The following NKAIN2 variants were observed in gnomAD, a reference collection of about 807,000 sequenced individuals.
NKAIN2 encodes sodium/potassium-transporting ATPase subunit beta-1-interacting protein 2.
Under a neutral mutation model 32.6 loss-of-function variants are expected in NKAIN2, and 14 were observed. The observed-to-expected ratio is 0.43, with a 90% CI of 0.28 to 0.67. The LOEUF is 0.67. NKAIN2 is among the 30% of genes least tolerant of loss of function. NKAIN2 has a pLI of 0.17. For missense variants in NKAIN2, 198 were observed against 258.3 expected, an observed-to-expected ratio of 0.77 and a Z score of 1.60; for synonymous variants, 80 against 87.2, an observed-to-expected ratio of 0.92 and a Z score of 0.46.
At chr6:124,175,938 A>G (rs957479284) in intron 1 of NKAIN2, among the ~76,000 whole-genome samples, 1 of 152,020 alleles carries the variant, frequency 6.6e-6, no homozygotes, top group South Asian at 2.1e-4. Flanking sequence ...TGCTTTTTAC[A>G]TTTTTTTAAG....
rs371419007 is a variant in NKAIN2, at chr6:124,343,078, G to A, written c.193-12189G>A. Among the ~76,000 whole-genome samples, 115 of 146,644 alleles carry A rather than the reference G, an allele frequency of 7.8e-4. No individual in the cohort carries two copies. In the East Asian group the frequency reaches 0.015, roughly 20 times the overall value. ...TTCCCATCTATGAGTGAGAACATGC[G>A]GTCTTTGGTTTTTTGTCCTTGTGAT... On this transcript the variant is annotated intron_variant, in intron 2 of 6. Coordinates refer to ENST00000368417, the MANE Select transcript of NKAIN2 (RefSeq NM_001040214.3).
intron 3 of NKAIN2, among the ~76,000 whole-genome samples, chr6:124,481,561 T>C (rs1205366889): frequency 2.0e-5 from 3 of 152,172 alleles, no homozygotes; most frequent in African/African-American, 7.2e-5. Flanking sequence ...TTAATTCTGT[T>C]TTTCAAATCT....
chr6:124,286,868 GAGACGAGGTTTCACCATGTTAGCC>G (rs1795580952), intron 2 of NKAIN2, among the ~76,000 whole-genome samples: 2 of 151,954 alleles, frequency 1.3e-5, no homozygotes, highest in Admixed American at 1.3e-4. Context: ...TTTTTCAGTA[GAGACGAGGTTTCACCATGTTAGCC>G]AGGCTGGTCT....
At chr6:124,605,343 C>T (rs535237098) in intron 3 of NKAIN2, among the ~76,000 whole-genome samples, 81 of 152,088 alleles carry the variant, frequency 5.3e-4, no homozygotes, top group African/African-American at 1.5e-3. Flanking sequence ...TATTTTCAAA[C>T]GGTGTAGCAA....
At chr6:124,158,910 CT>C (rs1360349316) in intron 1 of NKAIN2, among the ~76,000 whole-genome samples, 1 of 152,146 alleles carries the variant, frequency 6.6e-6, no homozygotes, top group Non-Finnish European at 1.5e-5. Context: ...TCACAGAGAC[CT>C]GATTATCTCC....
intron 2 of NKAIN2, among the ~76,000 whole-genome samples, chr6:124,327,274 C>A (rs963187354): frequency 3.3e-5 from 5 of 152,020 alleles, no homozygotes; most frequent in African/African-American, 7.2e-5. Context: ...AAGTGTGAGC[C>A]AGAAGTAGTA....
intron 1 of NKAIN2, among the ~76,000 whole-genome samples, chr6:124,012,021 A>T (rs903871462): frequency 6.6e-6 from 1 of 152,184 alleles, no homozygotes; most frequent in Admixed American, 6.5e-5. Flanking sequence ...CTTGCTCTTC[A>T]TGTAAACAGT....
intron 1 of NKAIN2, among the ~76,000 whole-genome samples, chr6:124,157,451 A>G (rs1228783617): frequency 6.6e-6 from 1 of 152,184 alleles, no homozygotes; most frequent in African/African-American, 2.4e-5. Context: ...GTAATCCTAT[A>G]AGAGGTAGCG....
intron 4 of NKAIN2, among the ~76,000 whole-genome samples, chr6:124,767,009 CT>C (rs1562371874): frequency 6.6e-6 from 1 of 152,106 alleles, no homozygotes; most frequent in East Asian, 1.9e-4. Flanking sequence ...ATTCTCCTGC[CT>C]CAGCCTCCCA....
chr6:123,843,360 C>T (rs1008164404), intron 1 of NKAIN2, among the ~76,000 whole-genome samples: 1 of 152,088 alleles, frequency 6.6e-6, no homozygotes, highest in African/African-American at 2.4e-5. Context: ...TAATCTTCCC[C>T]TGGAGTTTGG....
At chr6:124,615,736 C>T (rs1017894824) in intron 3 of NKAIN2, among the ~76,000 whole-genome samples, 1 of 152,110 alleles carries the variant, frequency 6.6e-6, no homozygotes, top group African/African-American at 2.4e-5. Context: ...ATAGATATTA[C>T]ACCTTTTGAT....
intron 1 of NKAIN2, among the ~76,000 whole-genome samples, chr6:123,942,131 A>T (rs779912691): frequency 6.6e-5 from 10 of 152,000 alleles, no homozygotes; most frequent in Non-Finnish European, 1.0e-4. Context: ...CAGTTGTCCC[A>T]ATGGTTTCAT....
At chr6:124,819,629 C>T (rs1461631019) in intron 6 of NKAIN2, among the ~76,000 whole-genome samples, 3 of 152,138 alleles carry the variant, frequency 2.0e-5, no homozygotes, top group Non-Finnish European at 2.9e-5. Context: ...TCCATTGTAT[C>T]CTCCATATGG....
At chr6:124,538,384 A>T (rs987737397) in intron 3 of NKAIN2, among the ~76,000 whole-genome samples, 8 of 152,054 alleles carry the variant, frequency 5.3e-5, no homozygotes, top group Non-Finnish European at 2.9e-5. Flanking sequence ...TTTTCTTCTA[A>T]GGTCACTTGT....
intron 6 of NKAIN2, among the ~76,000 whole-genome samples, chr6:124,818,737 C>T (rs1781276956): frequency 6.6e-6 from 1 of 151,998 alleles, no homozygotes; most frequent in South Asian, 2.1e-4. Flanking sequence ...TAATTATCTA[C>T]CACTTCTTTG....
chr6:124,361,999 A>G (rs1012541016), intron 3 of NKAIN2, among the ~76,000 whole-genome samples: 16 of 152,154 alleles, frequency 1.1e-4, no homozygotes, highest in African/African-American at 3.9e-4. Context: ...TGGTATGCAG[A>G]GAAATATGCT....
intron 4 of NKAIN2, among the ~76,000 whole-genome samples, chr6:124,699,774 C>A (rs1387477335): frequency 6.6e-6 from 1 of 152,136 alleles, no homozygotes; most frequent in Non-Finnish European, 1.5e-5. Flanking sequence ...CCAATTAAAC[C>A]TATTTTCTTT....
chr6:124,237,374 T>C (rs1452237968), intron 1 of NKAIN2, among the ~76,000 whole-genome samples: 1 of 151,856 alleles, frequency 6.6e-6, no homozygotes, highest in Non-Finnish European at 1.5e-5. Context: ...TTTGTTTTTG[T>C]TTTTTTTGAG....
At chr6:124,742,806 C>G (rs1192748585) in intron 4 of NKAIN2, among the ~76,000 whole-genome samples, 1 of 151,768 alleles carries the variant, frequency 6.6e-6, no homozygotes, top group Non-Finnish European at 1.5e-5. Context: ...AGCCTTGGGC[C>G]TGTATGAGTC....
Sources: allele counts gnomAD v4.1 joint callset (sites outside exome capture counted in the v4.1 genomes callset), GRCh38; gene constraint gnomAD v4.1.1; transcripts MANE v1.5; gene names NCBI Gene and HGNC (gene_info 2026-07-23, HGNC 2026-07-21).